The following MLANA variants were observed in gnomAD, a reference collection of about 807,000 sequenced individuals.
MLANA encodes the protein melan-A.
Under a neutral mutation model 15.7 loss-of-function variants are expected in MLANA, and 21 were observed. The ratio of observed to expected loss-of-function variants is 1.33; its 90% CI spans 0.95 to 1.92. MLANA has a LOEUF of 1.92. MLANA is among the 40% of genes most tolerant of loss of function. The probability of loss-of-function intolerance (pLI) is 0.00; values close to 1 mark genes in which losing one functional copy is unlikely to be tolerated. For synonymous variants in MLANA, 56 were observed against 51.5 expected, an observed-to-expected ratio of 1.09 and a Z score of -0.37; for missense variants, 164 against 143.8, an observed-to-expected ratio of 1.14 and a Z score of -0.72.
chr9:5,904,917 G>A (rs912966915), intron 3 of MLANA, among the ~76,000 whole-genome samples: 6 of 151,936 alleles, frequency 3.9e-5, no homozygotes, highest in Non-Finnish European at 8.8e-5. Context: ...GGGACTACAG[G>A]TGCCCGCTAC....
chr9:5,903,727 T>C (rs949858407), intron 3 of MLANA, among the ~76,000 whole-genome samples: 7 of 152,352 alleles, frequency 4.6e-5, no homozygotes, highest in African/African-American at 1.7e-4. Context: ...TCTTGGAGAA[T>C]GAACACCTTT....
At chr9:5,900,794 A>T (rs1017422259) in intron 3 of MLANA, among the ~76,000 whole-genome samples, 4 of 152,222 alleles carry the variant, frequency 2.6e-5, no homozygotes, top group African/African-American at 9.6e-5. Context: ...ATTTGTAATA[A>T]ACTGAACAGT....
At chr9:5,891,510 C>G (rs1327399929) in intron 1 of MLANA, among the ~76,000 whole-genome samples, 1 of 152,158 alleles carries the variant, frequency 6.6e-6, no homozygotes, top group Non-Finnish European at 1.5e-5. Flanking sequence ...TGTCTCACCT[C>G]TCCCTGTTGT....
chr9:5,909,781 A>G lies in MLANA; in HGVS notation c.*1073A>G, dbSNP rs200065321. 2 of 152,198 alleles carry G rather than the reference A, an allele frequency of 1.3e-5. No homozygotes were observed. The highest frequency in any genetic ancestry group is 3.8e-4 in the East Asian group (2 of 5,200). 9.4% of individuals were successfully genotyped at this position (152,198 alleles called of 1,614,324 possible). On this transcript the variant is annotated 3_prime_UTR_variant, in exon 5 of 5. Coordinates refer to ENST00000381477, the MANE Select transcript of MLANA (RefSeq NM_005511.2). ...TCTCTTGGGTTCCCAAATCCCTCTC[A>G]CAAGAATGTGCAGAAGAAATCATAA...
intron 3 of MLANA, chr9:5,898,310 T>A (rs181739002): frequency 6.6e-6 from 1 of 152,670 alleles, no homozygotes; most frequent in East Asian, 1.9e-4. Context: ...CCTCCCAAAG[T>A]GTTGGGACTA....
chr9:5,905,670 T>C (rs1563821116), intron 3 of MLANA, among the ~76,000 whole-genome samples: 2 of 152,206 alleles, frequency 1.3e-5, no homozygotes, highest in Non-Finnish European at 2.9e-5. Context: ...AACTAAAGAA[T>C]ACCTAAAACC....
chr9:5,895,701 C>G (rs146723385), intron 2 of MLANA, among the ~76,000 whole-genome samples: 166 of 152,268 alleles, frequency 1.1e-3, no homozygotes, highest in African/African-American at 3.9e-3. Flanking sequence ...ATTGGGTAGG[C>G]CAGGGGTGGA....
chr9:5,899,015 A>G (rs1832234324), intron 3 of MLANA: 1 of 152,210 alleles, frequency 6.6e-6, no homozygotes, highest in South Asian at 2.1e-4. Flanking sequence ...AATGGGAAAC[A>G]TCAACTGAGT....
In MLANA at chr9:5,910,604, C is replaced by T. The variant is rs756169206; in HGVS notation, c.*1896C>T. The T allele has an allele frequency of 1.3e-5, 2 of 152,300 alleles. No homozygotes were observed. Among genetic ancestry groups the T allele is most frequent in the Non-Finnish European group, 1.5e-5 (1 of 68,126 alleles). The allele number at this position is 152,300 out of a possible 1,614,324, so 9.4% of individuals were successfully genotyped here. ...CCTACATCCCTCCAGAACCCCCAGA[C>T]TGTCACTCACTGAGGGTGCTCTCAT... On this transcript the variant is annotated 3_prime_UTR_variant, in exon 5 of 5. Transcript: ENST00000381477.
intron 3 of MLANA, among the ~76,000 whole-genome samples, chr9:5,902,770 G>A (rs968383987): frequency 1.3e-5 from 2 of 151,754 alleles, no homozygotes; most frequent in Non-Finnish European, 2.9e-5. Context: ...CCCTCCCAAA[G>A]TACTGGCATT....
intron 4 of MLANA, 94 bp from the exon 5 acceptor site, chr9:5,908,546 A>G (rs558310703): frequency 2.7e-5 from 30 of 1,093,740 alleles, no homozygotes; most frequent in Admixed American, 1.0e-4. Flanking sequence ...GTCCACAGGG[A>G]AAGTATAAAT....
chr9:5,892,991 CAG>C (rs1257677880), intron 2 of MLANA, among the ~76,000 whole-genome samples: 1 of 152,124 alleles, frequency 6.6e-6, no homozygotes, highest in Non-Finnish European at 1.5e-5. Context: ...AGCCCACAGC[CAG>C]ACTCGAGAGG....
Position 5,910,237 on chromosome 9 carries a change from T to G in MLANA, c.*1529T>G, listed in dbSNP as rs1442173715. The G allele has an allele frequency of 1.3e-5, 2 of 152,154 alleles. No individual in the cohort carries two copies. The highest frequency in any genetic ancestry group is 2.9e-5 in the Non-Finnish European group (2 of 68,024). The allele number at this position is 152,154 out of a possible 1,614,324, so 9.4% of individuals were successfully genotyped here. On this transcript the variant is annotated 3_prime_UTR_variant, in exon 5 of 5. Coordinates refer to ENST00000381477, the MANE Select transcript of MLANA (RefSeq NM_005511.2). Reference sequence around the variant, plus strand: ...TTTAACGGTGAGTCAGTAAACCACCTAAAAATCATCTTGTCTCATCAGAAA... The same window carrying G: ...TTTAACGGTGAGTCAGTAAACCACCGAAAAATCATCTTGTCTCATCAGAAA...
At chr9:5,904,708 C>T (rs1014528639) in intron 3 of MLANA, among the ~76,000 whole-genome samples, 8 of 151,672 alleles carry the variant, frequency 5.3e-5, no homozygotes, top group African/African-American at 1.9e-4. Flanking sequence ...TCAAGTGATC[C>T]ACCCACTTGG....
At chr9:5,897,755 C>T in intron 3 of MLANA, 102 bp downstream of exon 3, 4 of 1,023,140 alleles carry the variant, frequency 3.9e-6, no homozygotes, top group South Asian at 2.6e-5. Flanking sequence ...CTCATTATAA[C>T]CTTCAGCTCT....
At chr9:5,895,394 T>C (rs1831946847) in intron 2 of MLANA, among the ~76,000 whole-genome samples, 1 of 152,078 alleles carries the variant, frequency 6.6e-6, no homozygotes, top group African/African-American at 2.4e-5. Flanking sequence ...TTTTTTTTTT[T>C]TTAATTTTTT....
intron 2 of MLANA, among the ~76,000 whole-genome samples, chr9:5,893,010 G>A (rs1218396115): frequency 6.6e-6 from 1 of 152,188 alleles, no homozygotes; most frequent in African/African-American, 2.4e-5. Context: ...GAGGAAGATG[G>A]AGGTCACAGC....
At chr9:5,902,131 C>G (rs1453176907) in intron 3 of MLANA, among the ~76,000 whole-genome samples, 1 of 152,142 alleles carries the variant, frequency 6.6e-6, no homozygotes, top group Non-Finnish European at 1.5e-5. Context: ...CTGAACTCAT[C>G]TGGGTCTGGT....
At position 5,910,518 on chromosome 9, in the gene MLANA, C is replaced by T. The variant is rs1367106796; in HGVS notation, c.*1810C>T. The T allele has an allele frequency of 6.6e-6, 1 of 152,166 alleles. No individual in the cohort carries two copies. Among genetic ancestry groups the T allele is most frequent in the Non-Finnish European group, 1.5e-5 (1 of 68,044 alleles). 9.4% of individuals were successfully genotyped at this position (152,166 alleles called of 1,614,324 possible). On this transcript the variant is annotated 3_prime_UTR_variant, in exon 5 of 5. Transcript: ENST00000381477. ...CATCAGGCATTTGGGTACCTCCTCC[C>T]CTCACCACGAGGTCTCTGCTGAACC...
Sources: allele counts gnomAD v4.1 joint callset (sites outside exome capture counted in the v4.1 genomes callset), GRCh38; gene constraint gnomAD v4.1.1; transcripts MANE v1.5; gene names NCBI Gene and HGNC (gene_info 2026-07-23, HGNC 2026-07-21).